The following CDY2B variants were observed in gnomAD, a reference collection of about 807,000 sequenced individuals.
The protein encoded by CDY2B is chromodomain Y-linked 2B, also known as testis-specific chromodomain protein Y 2.
chrY:17,880,018 G>T lies in CDY2B; in HGVS notation c.-126C>A. 3.1e-5 allele frequency: 1 copy of T among 32,134 alleles called. No individual in the cohort carries two copies. The highest frequency in any genetic ancestry group is 4.4e-5 in the Non-Finnish European group (1 of 22,528). 8.0% of individuals were successfully genotyped at this position (32,134 alleles called of 400,897 possible). On this transcript the variant is annotated 5_prime_UTR_variant, in exon 1 of 1. Transcript: ENST00000382867. ...GTGTATGGATGAACCTCTTCTATTT[G>T]GTCACCACTGGTGTAGTGAAAATTG...
Sources: allele counts gnomAD v4.1 joint callset, GRCh38; gene constraint gnomAD v4.1.1; transcripts MANE v1.5; gene names NCBI Gene and HGNC (gene_info 2026-07-23, HGNC 2026-07-21).